The following LRP1B variants were observed in gnomAD, a reference collection of about 807,000 sequenced individuals.
LRP1B encodes LDL receptor related protein 1B.
In LRP1B, 217 loss-of-function variants were observed where a neutral mutation model predicts 556.6. The observed-to-expected ratio is 0.39, with a 90% CI of 0.35 to 0.44. The LOEUF (loss-of-function observed/expected upper bound fraction) is 0.44, where lower values mean the gene tolerates loss of function less well. Among genes scored for constraint, LRP1B ranks in the 20% least tolerant of loss-of-function variants. The pLI is 1.00. For synonymous variants in LRP1B, 2,047 were observed against 1,865.8 expected, an observed-to-expected ratio of 1.10 and a Z score of -2.50; for missense variants, 5,053 against 5,620.8, an observed-to-expected ratio of 0.90 and a Z score of 3.23.
chr2:141,020,175 C>A (rs2105397575), intron 11 of LRP1B, 73 bp from the exon 12 acceptor site: 2 of 917,280 alleles, frequency 2.2e-6, no homozygotes, highest in Admixed American at 3.0e-5. Context: ...CTACTAATAG[C>A]TACCTAATAA....
chr2:141,077,993 G>T (rs1699833708), intron 7 of LRP1B, among the ~76,000 whole-genome samples: 2 of 147,446 alleles, frequency 1.4e-5, no homozygotes, highest in Admixed American at 6.8e-5. Flanking sequence ...TTAACTATTG[G>T]ACCCAAATGA....
intron 86 of LRP1B, among the ~76,000 whole-genome samples, chr2:140,257,885 C>A (rs775042599): frequency 3.9e-5 from 6 of 152,150 alleles, no homozygotes; most frequent in Admixed American, 6.5e-5. Flanking sequence ...CTTAAGCATT[C>A]TCTAAGGGAC....
intron 37 of LRP1B, among the ~76,000 whole-genome samples, chr2:140,714,933 C>T (rs990868397): frequency 2.0e-5 from 3 of 151,954 alleles, no homozygotes; most frequent in Non-Finnish European, 2.9e-5. Flanking sequence ...ATACTAGGTG[C>T]TTATGGGGCC....
Position 140,450,617 on chromosome 2 carries a change from A to C in LRP1B, c.10008T>G (p.Cys3336Trp). Reference sequence around the variant, plus strand: ...CATCACCACAGTCATCCACGGTGTCACATTTCCACCAGAATGGAATACATT... The same window carrying C: ...CATCACCACAGTCATCCACGGTGTCCCATTTCCACCAGAATGGAATACATT... ...TDKCIPFWWK[C>W]DTVDDCGDGS... The change falls in exon 63 of 91, where the codon TGT (cysteine) becomes TGG (tryptophan). Residue 3336 changes from cysteine to tryptophan, a missense_variant. By Grantham distance (215) the Cys-to-Trp change is radical (BLOSUM62 -2). This residue lies in a region of LRP1B where 262 missense variants were observed against 395.1 expected (regional missense o/e 0.66). Transcript: ENST00000389484. The C allele has an allele frequency of 6.2e-7, 1 of 1,613,352 alleles. No individual in the cohort carries two copies. The highest frequency in any genetic ancestry group is 8.5e-7 in the Non-Finnish European group (1 of 1,179,626).
intron 1 of LRP1B, among the ~76,000 whole-genome samples, chr2:142,030,196 T>C (rs1473270611): frequency 6.6e-6 from 1 of 151,944 alleles, no homozygotes; most frequent in Admixed American, 6.6e-5. Flanking sequence ...ATGCAGCTCC[T>C]TAAGGTATTT....
intron 27 of LRP1B, among the ~76,000 whole-genome samples, chr2:140,856,061 T>C (rs961901605): frequency 5.9e-5 from 9 of 152,202 alleles, no homozygotes; most frequent in African/African-American, 2.2e-4. Flanking sequence ...TCTGGTACAT[T>C]GTGATACTGT....
chr2:140,360,224 C>A (rs1682442901), intron 72 of LRP1B, among the ~76,000 whole-genome samples: 1 of 151,578 alleles, frequency 6.6e-6, no homozygotes, highest in African/African-American at 2.4e-5. Context: ...GCCAATCCTG[C>A]AGACTCATCC....
At chr2:140,713,969 A>G (rs2105456436) in intron 37 of LRP1B, among the ~76,000 whole-genome samples, 1 of 152,226 alleles carries the variant, frequency 6.6e-6, no homozygotes, top group African/African-American at 2.4e-5. Flanking sequence ...TGATCTTATG[A>G]AACTTACTAC....
intron 2 of LRP1B, among the ~76,000 whole-genome samples, chr2:141,586,820 T>C (rs1199469833): frequency 3.3e-5 from 5 of 151,740 alleles, no homozygotes; most frequent in Non-Finnish European, 5.9e-5. Context: ...CGGGCGCCTG[T>C]AGTCCCAGCT....
At chr2:140,982,722 T>C (rs906457904) in intron 17 of LRP1B, among the ~76,000 whole-genome samples, 1 of 152,196 alleles carries the variant, frequency 6.6e-6, no homozygotes, top group African/African-American at 2.4e-5. Context: ...TCAGGATATC[T>C]AGTTTCTAAT....
chr2:140,969,846 G>A (rs969327432), intron 18 of LRP1B, among the ~76,000 whole-genome samples: 2 of 152,090 alleles, frequency 1.3e-5, no homozygotes, highest in African/African-American at 4.8e-5. Context: ...TTGAATATTG[G>A]CCCCCACTCT....
intron 3 of LRP1B, among the ~76,000 whole-genome samples, chr2:141,309,363 C>T (rs571202477): frequency 2.0e-5 from 3 of 152,222 alleles, no homozygotes; most frequent in Admixed American, 6.5e-5. Context: ...CTTCCGTGAA[C>T]GGAAAAGAGA....
At chr2:140,568,200 CAA>C (rs56676136) in intron 43 of LRP1B, among the ~76,000 whole-genome samples, 8,066 of 123,680 alleles carry the variant, frequency 0.065, 212 homozygotes, top group Middle Eastern at 0.1. Context: ...CACCATGGTC[CAA>C]AAAAAAAAAA....
At chr2:140,677,259 C>G (rs1045675214) in intron 41 of LRP1B, among the ~76,000 whole-genome samples, 1 of 152,112 alleles carries the variant, frequency 6.6e-6, no homozygotes, top group South Asian at 2.1e-4. Flanking sequence ...AATGAGGGAA[C>G]TTGTGAAAGA....
intron 7 of LRP1B, among the ~76,000 whole-genome samples, chr2:141,105,999 C>T (rs1254573060): frequency 6.6e-6 from 1 of 152,166 alleles, no homozygotes; most frequent in East Asian, 1.9e-4. Flanking sequence ...CCAAACTCTG[C>T]CAGCTGCTCT....
intron 3 of LRP1B, among the ~76,000 whole-genome samples, chr2:141,364,019 C>G (rs1383051529): frequency 6.6e-6 from 1 of 152,076 alleles, no homozygotes; most frequent in Non-Finnish European, 1.5e-5. Flanking sequence ...GTTTGATTTT[C>G]TCCTCCATAT....
At chr2:140,726,964 T>A (rs756040184) in intron 35 of LRP1B, among the ~76,000 whole-genome samples, 1 of 152,058 alleles carries the variant, frequency 6.6e-6, no homozygotes, top group Non-Finnish European at 1.5e-5. Flanking sequence ...GACAAGGGAC[T>A]TCAAAGTCTG....
chr2:140,891,212 G>A (rs928225170), intron 23 of LRP1B, among the ~76,000 whole-genome samples: 3 of 152,004 alleles, frequency 2.0e-5, no homozygotes, highest in Non-Finnish European at 2.9e-5. Flanking sequence ...GAAGCTTTTA[G>A]AAAACACTCA....
At chr2:140,984,361 T>G (rs1360440235) in intron 17 of LRP1B, among the ~76,000 whole-genome samples, 1 of 152,028 alleles carries the variant, frequency 6.6e-6, no homozygotes, top group Non-Finnish European at 1.5e-5. Flanking sequence ...CTTTAACTAT[T>G]TCATTCCTTC....
Sources: gnomAD v4.1 joint callset for allele counts (sites outside exome capture counted in the v4.1 genomes callset) on GRCh38, gnomAD v4.1.1 for gene constraint, gnomAD v4.1.1 regional missense constraint, MANE v1.5 for transcripts, NCBI Gene and HGNC (gene_info 2026-07-23, HGNC 2026-07-21) for gene names.